FHOD3: variants seen among roughly 807,000 people sequenced by gnomAD.
FHOD3 encodes formin homology 2 domain containing 3, also known as FH1/FH2 domain-containing protein 3.
In FHOD3, 90 loss-of-function variants were observed where a neutral mutation model predicts 173.0. The observed-to-expected ratio is 0.52, with a 90% CI of 0.44 to 0.62. The LOEUF (loss-of-function observed/expected upper bound fraction) is 0.62. Among genes scored for constraint, FHOD3 ranks in the 20% least tolerant of loss-of-function variants. The probability of loss-of-function intolerance (pLI) is 0.00; values close to 1 mark genes in which losing one functional copy is unlikely to be tolerated. For missense variants in FHOD3, 1,945 were observed against 2,034.7 expected (o/e 0.96, Z 0.85); for synonymous variants, 828 against 823.0 (o/e 1.01, Z -0.10).
chr18:36,333,733 C>G (rs912438042), intron 1 of FHOD3, among the ~76,000 whole-genome samples: 1 of 152,180 alleles, frequency 6.6e-6, no homozygotes, highest in African/African-American at 2.4e-5. Context: ...CGCCACCCCT[C>G]CTAACCTATT....
intron 14 of FHOD3, among the ~76,000 whole-genome samples, chr18:36,661,471 G>A (rs72897508): frequency 1.2e-3 from 190 of 152,264 alleles, no homozygotes; most frequent in Non-Finnish European, 2.2e-3. Flanking sequence ...GAGGATGCGC[G>A]TCTTCTGTGA....
chr18:36,317,331 C>A (rs1436456890), intron 1 of FHOD3, among the ~76,000 whole-genome samples: 2 of 152,342 alleles, frequency 1.3e-5, no homozygotes, highest in African/African-American at 4.8e-5. Flanking sequence ...CTAATTTACA[C>A]TCCCACCAAC....
At chr18:36,437,904 C>T (rs755382017) in intron 3 of FHOD3, among the ~76,000 whole-genome samples, 3 of 152,116 alleles carry the variant, frequency 2.0e-5, no homozygotes, top group African/African-American at 7.2e-5. Flanking sequence ...CCTCGTGATC[C>T]ATCTGCCTCA....
intron 28 of FHOD3, among the ~76,000 whole-genome samples, chr18:36,771,579 T>G (rs56968817): frequency 6.6e-6 from 1 of 152,364 alleles, no homozygotes; most frequent in South Asian, 2.1e-4. Context: ...TTTGAGGTCT[T>G]AAGTAGTTTA....
At chr18:36,694,637 A>G (rs1046588375) in intron 17 of FHOD3, among the ~76,000 whole-genome samples, 1 of 152,238 alleles carries the variant, frequency 6.6e-6, no homozygotes, top group African/African-American at 2.4e-5. Flanking sequence ...TATGAGAGAT[A>G]TCCTCCTGCA....
intron 6 of FHOD3, among the ~76,000 whole-genome samples, chr18:36,583,670 G>C (rs2058931371): frequency 6.6e-6 from 1 of 152,176 alleles, no homozygotes; most frequent in African/African-American, 2.4e-5. Flanking sequence ...TTCTTTGTGA[G>C]TGCCATGGAG....
At chr18:36,535,120 A>G in intron 5 of FHOD3, among the ~76,000 whole-genome samples, 1 of 152,208 alleles carries the variant, frequency 6.6e-6, no homozygotes, top group Non-Finnish European at 1.5e-5. Context: ...AAAAAGTAGC[A>G]CTACCAAAAC....
intron 8 of FHOD3, among the ~76,000 whole-genome samples, chr18:36,609,020 C>G (rs1247819864): frequency 6.6e-6 from 1 of 152,240 alleles, no homozygotes; most frequent in African/African-American, 2.4e-5. Context: ...TTGGTGCAAT[C>G]AATGAAAACC....
At chr18:36,666,134 A>G (rs1268059791) in intron 14 of FHOD3, among the ~76,000 whole-genome samples, 3 of 152,272 alleles carry the variant, frequency 2.0e-5, no homozygotes, top group African/African-American at 7.2e-5. Flanking sequence ...ATGTGGGACC[A>G]GTCTCCACAG....
chr18:36,640,081 T>C (rs1887032078), intron 10 of FHOD3, among the ~76,000 whole-genome samples: 1 of 152,226 alleles, frequency 6.6e-6, no homozygotes, highest in African/African-American at 2.4e-5. Flanking sequence ...TAATGGCTTA[T>C]GTATTAAGGT....
At chr18:36,586,780 G>T (rs188283784) in intron 6 of FHOD3, among the ~76,000 whole-genome samples, 14 of 152,220 alleles carry the variant, frequency 9.2e-5, no homozygotes, top group Admixed American at 7.2e-4. Context: ...GTGCCTGGCC[G>T]CGTGTTACAT....
At chr18:36,736,278 T>C (rs2041626467) in intron 20 of FHOD3, among the ~76,000 whole-genome samples, 1 of 152,254 alleles carries the variant, frequency 6.6e-6, no homozygotes, top group South Asian at 2.1e-4. Flanking sequence ...CACTGTTAGC[T>C]TTGCCATCAT....
At chr18:36,345,209 T>C (rs1232803367) in intron 1 of FHOD3, among the ~76,000 whole-genome samples, 1 of 65,298 alleles carries the variant, frequency 1.5e-5, no homozygotes, top group Non-Finnish European at 2.6e-5. Flanking sequence ...ACAGAGTATG[T>C]TTTTTTTTAT....
At chr18:36,723,003 G>A (rs747915121) in intron 19 of FHOD3, among the ~76,000 whole-genome samples, 11 of 152,164 alleles carry the variant, frequency 7.2e-5, no homozygotes, top group Non-Finnish European at 1.6e-4. Flanking sequence ...ACTTCAGCAG[G>A]GCTGAAGTGT....
rs143026088 is a variant in FHOD3 at position 36,413,093 on chromosome 18, T to A, written c.337+40349T>A. Among the ~76,000 whole-genome samples the A allele has an allele frequency of 7.0e-3, 1,068 of 152,332 alleles. 8 individuals are homozygous for A. Among genetic ancestry groups the A allele is most frequent in the Non-Finnish European group, 0.011 (763 of 68,016 alleles). ...ACACAGTTGTGTCATTTAGGCACCC[T>A]GGTTTTCAGCAAAAGGCATCAGAAA... On this transcript the variant is annotated intron_variant, in intron 3 of 28. Coordinates refer to ENST00000590592, the MANE Select transcript of FHOD3 (RefSeq NM_001281740.3).
rs73949416 is a variant in FHOD3, at chr18:36,300,333, G to T, written c.165+2333G>T. Among the ~76,000 whole-genome samples, 476 of 152,340 alleles carry T rather than the reference G, an allele frequency of 3.1e-3. 4 individuals carry two copies. The highest frequency in any genetic ancestry group is 0.011 in the African/African-American group (461 of 41,580). On this transcript the variant is annotated intron_variant, in intron 1 of 28. Transcript: ENST00000590592. The stretch of plus-strand genomic sequence containing the variant: ...GGCTTCTCTTCCATTAACTGGAGGG[G>T]TTCACCCGGTCACCTTCAAGGGCCA...
intron 16 of FHOD3, among the ~76,000 whole-genome samples, chr18:36,691,725 G>A (rs1368675448): frequency 1.3e-5 from 2 of 152,180 alleles, no homozygotes; most frequent in African/African-American, 4.8e-5. Flanking sequence ...AATGAAATGG[G>A]ATGCATTTGC....
At chr18:36,370,874 C>T (rs1289395351) in intron 2 of FHOD3, among the ~76,000 whole-genome samples, 2 of 152,198 alleles carry the variant, frequency 1.3e-5, no homozygotes, top group Non-Finnish European at 2.9e-5. Context: ...GAAAACCTTT[C>T]TTGGCAAGTC....
intron 1 of FHOD3, among the ~76,000 whole-genome samples, chr18:36,314,988 G>C (rs1277084587): frequency 2.0e-5 from 3 of 152,162 alleles, no homozygotes; most frequent in African/African-American, 7.2e-5. Context: ...GACTCACAGA[G>C]CAGAACTCTG....
Sources: allele counts gnomAD v4.1 joint callset (sites outside exome capture counted in the v4.1 genomes callset), GRCh38; gene constraint gnomAD v4.1.1; transcripts MANE v1.5; gene names NCBI Gene and HGNC (gene_info 2026-07-23, HGNC 2026-07-21).